Variants in EDARADD observed in about 807,000 individuals in gnomAD.
EDARADD encodes the protein ectodysplasin-A receptor-associated adapter protein.
Under a neutral mutation model 25.6 loss-of-function variants are expected in EDARADD, and 20 were observed. The observed-to-expected ratio is 0.78, with a 90% CI of 0.55 to 1.14. The LOEUF (loss-of-function observed/expected upper bound fraction) is 1.14. Ranked by LOEUF, EDARADD falls within the 50% of genes most tolerant of loss-of-function variation. EDARADD has a pLI of 0.00. For missense variants in EDARADD, 225 were observed against 270.1 expected (o/e 0.83, Z 1.17); for synonymous variants, 86 against 94.4 (o/e 0.91, Z 0.52).
intron 4 of EDARADD, among the ~76,000 whole-genome samples, chr1:236,458,210 C>G (rs1571947959): frequency 6.6e-6 from 1 of 152,306 alleles, no homozygotes; most frequent in East Asian, 1.9e-4. Context: ...TTACATGGTG[C>G]AAGGTTCACA....
Position 236,484,650 on chromosome 1 carries a change from G to A in EDARADD, c.*2001G>A, listed in dbSNP as rs149042380. The A allele has an allele frequency of 9.2e-4, 440 of 479,176 alleles. 4 individuals carry two copies. Among genetic ancestry groups the A allele is most frequent in the African/African-American group, 8.2e-3 (410 of 49,896 alleles). The allele number at this position is 479,176 out of a possible 1,614,324, so 29.7% of individuals were successfully genotyped here. A position where few individuals can be genotyped will look rare whatever the true frequency, so the allele number is the denominator to read the frequency against. ...AGAACTTCTACAGAAGCAGGTTGCA[G>A]TGAGCCGAGATTGCGCCACTGCACA... On this transcript the variant is annotated 3_prime_UTR_variant, in exon 6 of 6. Transcript: ENST00000334232. The surrounding 1 kb of genome is among the most constrained non-coding windows in gnomAD (Gnocchi z 4.1).
chr1:236,409,070 A>G (rs1263576960), intron 1 of EDARADD, 146 bp from the exon 2 acceptor site: 11 of 240,892 alleles, frequency 4.6e-5, no homozygotes, highest in Admixed American at 5.9e-5. Flanking sequence ...CTATTTCTTA[A>G]AAAAAAAAAA....
chr1:236,391,135 T>G (rs1889069), upstream of EDARADD, among the ~76,000 whole-genome samples: 1 of 151,614 alleles, frequency 6.6e-6, no homozygotes, highest in Non-Finnish European at 1.5e-5. Flanking sequence ...TTAAGACCGG[T>G]CCCCCTGTCC....
At chr1:236,450,929 T>C (rs1658695456) in intron 4 of EDARADD, among the ~76,000 whole-genome samples, 1 of 152,136 alleles carries the variant, frequency 6.6e-6, no homozygotes, top group Admixed American at 6.5e-5. Flanking sequence ...TCCAGAGTGG[T>C]TAAATATTTG....
rs192225633 is a variant in EDARADD, at chr1:236,398,185, C to T, written c.61+3680C>T. 1.8e-3 allele frequency among the ~76,000 whole-genome samples: 269 copies of T among 152,156 alleles called. 1 individual carries two copies. The highest frequency in any genetic ancestry group is 5.4e-3 in the African/African-American group (222 of 41,494). On this transcript the variant is annotated intron_variant, in intron 1 of 5. Coordinates refer to ENST00000334232, the MANE Select transcript of EDARADD (RefSeq NM_145861.4). The surrounding 1 kb of genome is among the most constrained non-coding windows in gnomAD (Gnocchi z 4.1). ...TGTCACCCAGGCTGGAGTGCAGTGG[C>T]GTGATCCCCACTCACTGCAACCTCC...
rs146307088 is a variant in EDARADD at position 236,354,666 on chromosome 1, C to T, written c.-6+3827C>T. ...TCCTAAGTCTGATGTACAATCCAGA[C>T]CACTACAGCCCTGATTGGACAGAGA... On this transcript the variant is annotated intron_variant, in intron 3 of 7. Coordinates refer to the EDARADD transcript ENST00000439430. Among the ~76,000 whole-genome samples the T allele has an allele frequency of 6.3e-3, 954 of 152,316 alleles. 11 individuals are homozygous for T. The highest frequency in any genetic ancestry group is 0.022 in the African/African-American group (896 of 41,568).
At chr1:236,462,874 A>G (rs1015652263) in intron 4 of EDARADD, among the ~76,000 whole-genome samples, 3 of 152,234 alleles carry the variant, frequency 2.0e-5, no homozygotes, top group Non-Finnish European at 4.4e-5. Flanking sequence ...TCCACTCTGC[A>G]GTACCTTAAC....
chr1:236,432,576 G>GTT (rs1326585055), intron 4 of EDARADD, among the ~76,000 whole-genome samples: 1 of 151,888 alleles, frequency 6.6e-6, no homozygotes, highest in Non-Finnish European at 1.5e-5. Context: ...AGTTTTTTTA[G>GTT]TTTTAGAAAC....
At chr1:236,430,840 G>A (rs984439925) in intron 4 of EDARADD, among the ~76,000 whole-genome samples, 16 of 152,132 alleles carry the variant, frequency 1.1e-4, no homozygotes, top group Non-Finnish European at 2.2e-4. Flanking sequence ...GCTGGAGGCC[G>A]AGCTCGGTGG....
chr1:236,363,887 C>T (rs1234463673), intron 3 of EDARADD, among the ~76,000 whole-genome samples: 2 of 151,902 alleles, frequency 1.3e-5, no homozygotes, highest in Non-Finnish European at 2.9e-5. Context: ...CAGTCTTGGC[C>T]AGGCTTAGTG....
chr1:236,402,503 G>A (rs1009225054), intron 1 of EDARADD, among the ~76,000 whole-genome samples: 1 of 152,168 alleles, frequency 6.6e-6, no homozygotes, highest in East Asian at 1.9e-4. Context: ...GCTGCAGTGA[G>A]CTGTGATTAA....
At chr1:236,475,830 A>T (rs556020973) in intron 5 of EDARADD, among the ~76,000 whole-genome samples, 44 of 152,222 alleles carry the variant, frequency 2.9e-4, no homozygotes, top group East Asian at 1.2e-3. Flanking sequence ...ATTATTTTTT[A>T]AAATAAACTG....
At position 236,483,483 on chromosome 1, in the gene EDARADD, G is replaced by T; in HGVS notation, c.*834G>T. 9.8e-7 allele frequency: 1 copy of T among 1,017,960 alleles called. No individual in the cohort carries two copies. The highest frequency in any genetic ancestry group is 1.3e-5 in the South Asian group (1 of 78,912). The allele number at this position is 1,017,960 out of a possible 1,614,324, so 63.1% of individuals were successfully genotyped here. A position where few individuals can be genotyped will look rare whatever the true frequency, so the allele number is the denominator to read the frequency against. ...TGGAACAGAAAATAAATCTAAATTTGGTGCAAATGCCATTCTGGGAGTGTC... is the reference window on the plus strand; with the variant it reads ...TGGAACAGAAAATAAATCTAAATTTTGTGCAAATGCCATTCTGGGAGTGTC... On this transcript the variant is annotated 3_prime_UTR_variant, in exon 6 of 6. Coordinates refer to ENST00000334232, the MANE Select transcript of EDARADD (RefSeq NM_145861.4).
intron 4 of EDARADD, among the ~76,000 whole-genome samples, chr1:236,449,964 A>G (rs1658665981): frequency 6.6e-6 from 1 of 152,028 alleles, no homozygotes; most frequent in African/African-American, 2.4e-5. Context: ...AGCCGGGTGT[A>G]GTGGTGTGCG....
intron 4 of EDARADD, among the ~76,000 whole-genome samples, chr1:236,458,504 G>T (rs11587195): frequency 6.6e-5 from 10 of 151,944 alleles, no homozygotes; most frequent in Admixed American, 1.3e-4. Flanking sequence ...AGTAACATGT[G>T]GGGAGTGAGA....
intron 4 of EDARADD, among the ~76,000 whole-genome samples, chr1:236,435,046 T>C (rs1311099858): frequency 1.3e-5 from 2 of 152,170 alleles, no homozygotes; most frequent in African/African-American, 4.8e-5. Flanking sequence ...GTTGTGCCAG[T>C]GAGACTGCTT....
At chr1:236,411,488 G>A (rs971450253) in intron 2 of EDARADD, among the ~76,000 whole-genome samples, 3 of 150,964 alleles carry the variant, frequency 2.0e-5, no homozygotes, top group East Asian at 1.9e-4. Context: ...TTTGTGTCTC[G>A]TCTCTTCTTC....
At chr1:236,392,927 C>A (rs1164296850), upstream of EDARADD, among the ~76,000 whole-genome samples, 1 of 152,160 alleles carries the variant, frequency 6.6e-6, no homozygotes, top group Non-Finnish European at 1.5e-5. Flanking sequence ...ACCTTGGCCT[C>A]CCAAAGTGCT....
chr1:236,463,430 A>G (rs986249258), intron 4 of EDARADD, among the ~76,000 whole-genome samples: 15 of 152,098 alleles, frequency 9.9e-5, no homozygotes. Context: ...AGTAGCTGGG[A>G]TTACAGGTGC....
Sources: allele counts gnomAD v4.1 joint callset (sites outside exome capture counted in the v4.1 genomes callset), GRCh38; gene constraint gnomAD v4.1.1; non-coding constraint Gnocchi (gnomAD v3.1); transcripts MANE v1.5; gene names NCBI Gene and HGNC (gene_info 2026-07-23, HGNC 2026-07-21).